IL12RB2: variants seen among roughly 807,000 people sequenced by gnomAD.
IL12RB2 encodes interleukin 12 receptor subunit beta 2.
In IL12RB2, 82 loss-of-function variants were observed where a neutral mutation model predicts 89.4. The ratio of observed to expected loss-of-function variants is 0.92; its 90% CI spans 0.77 to 1.10. IL12RB2 has a LOEUF of 1.10. Ranked by LOEUF, IL12RB2 falls within the 50% of genes least tolerant of loss-of-function variation. The pLI, the probability that IL12RB2 is intolerant of heterozygous loss-of-function variation, is 0.00. For synonymous variants in IL12RB2, 368 were observed against 370.1 expected, an observed-to-expected ratio of 0.99 and a Z score of 0.07; for missense variants, 963 against 1,031.9, an observed-to-expected ratio of 0.93 and a Z score of 0.92.
chr1:67,357,488 T>A (rs1661533464), intron 10 of IL12RB2, among the ~76,000 whole-genome samples: 2 of 152,144 alleles, frequency 1.3e-5, no homozygotes, highest in African/African-American at 4.8e-5. Context: ...GCAAAAGTGT[T>A]TTTTTTAACC....
chr1:67,339,029 A>T (rs1276566096), intron 9 of IL12RB2, among the ~76,000 whole-genome samples: 1 of 151,562 alleles, frequency 6.6e-6, no homozygotes, highest in Non-Finnish European at 1.5e-5. Context: ...CTCCTACATA[A>T]ATATGCCCAG....
upstream of IL12RB2, chr1:67,307,472 A>T (rs560220832): frequency 6.6e-6 from 1 of 152,448 alleles, no homozygotes; most frequent in African/African-American, 2.4e-5. Flanking sequence ...TATCGCGCCT[A>T]TCATATCTTG....
chr1:67,308,445 T>C (rs1654574041), intron 1 of IL12RB2, among the ~76,000 whole-genome samples: 1 of 152,138 alleles, frequency 6.6e-6, no homozygotes, highest in Non-Finnish European at 1.5e-5. Flanking sequence ...TAGTCCCGGA[T>C]GAGGGTGAAC....
chr1:67,382,465 C>A (rs1217117528), intron 14 of IL12RB2, among the ~76,000 whole-genome samples: 2 of 102,002 alleles, frequency 2.0e-5, no homozygotes, highest in Non-Finnish European at 2.1e-5. Context: ...TCCCCAGGGG[C>A]CTTCAAGCTA....
chr1:67,343,558 G>C (rs931940723), intron 9 of IL12RB2, among the ~76,000 whole-genome samples: 3 of 152,054 alleles, frequency 2.0e-5, no homozygotes, highest in Non-Finnish European at 4.4e-5. Context: ...TTACAAAAGG[G>C]GGCTTTTAGC....
chr1:67,336,511 CA>C (rs1173724473), intron 8 of IL12RB2, among the ~76,000 whole-genome samples: 1 of 152,038 alleles, frequency 6.6e-6, no homozygotes, highest in African/African-American at 2.4e-5. Flanking sequence ...AGAGCATTTT[CA>C]AAATGTTTTA....
intron 7 of IL12RB2, among the ~76,000 whole-genome samples, chr1:67,330,018 AT>A (rs1569825074): frequency 6.6e-6 from 1 of 152,154 alleles, no homozygotes; most frequent in Non-Finnish European, 1.5e-5. Context: ...TCCTGTTATT[AT>A]TTTTTAGCAT....
At chr1:67,368,943 CAG>C (rs970010488) in intron 11 of IL12RB2, among the ~76,000 whole-genome samples, 1 of 152,140 alleles carries the variant, frequency 6.6e-6, no homozygotes, top group African/African-American at 2.4e-5. Flanking sequence ...TTACGTGAGA[CAG>C]AGCTAATATT....
At chr1:67,345,950 T>A (rs1660169357) in intron 9 of IL12RB2, among the ~76,000 whole-genome samples, 1 of 152,208 alleles carries the variant, frequency 6.6e-6, no homozygotes. Context: ...TCTCTTATTT[T>A]TCTGTTTTTC....
chr1:67,344,348 A>G (rs929914937), intron 9 of IL12RB2, among the ~76,000 whole-genome samples: 6 of 152,156 alleles, frequency 3.9e-5, no homozygotes, highest in Non-Finnish European at 7.4e-5. Flanking sequence ...GCTGGAGTGC[A>G]GTGGCGTGAT....
intron 13 of IL12RB2, among the ~76,000 whole-genome samples, chr1:67,374,654 T>G (rs1469655336): frequency 6.6e-6 from 1 of 151,996 alleles, no homozygotes; most frequent in East Asian, 1.9e-4. Flanking sequence ...TTTTGTATTT[T>G]TAGTAGAGGA....
intron 8 of IL12RB2, among the ~76,000 whole-genome samples, chr1:67,333,727 G>C (rs1658400019): frequency 6.6e-6 from 1 of 152,194 alleles, no homozygotes; most frequent in Non-Finnish European, 1.5e-5. Context: ...ACTGGGAAGA[G>C]AGCAGCCACA....
At chr1:67,389,198 C>A (rs1665541240) in intron 15 of IL12RB2, among the ~76,000 whole-genome samples, 2 of 152,124 alleles carry the variant, frequency 1.3e-5, no homozygotes, top group Non-Finnish European at 2.9e-5. Context: ...TTTTGGCATA[C>A]CATCCCTTAG....
At chr1:67,382,680 C>A (rs915297701) in intron 14 of IL12RB2, among the ~76,000 whole-genome samples, 2 of 150,460 alleles carry the variant, frequency 1.3e-5, no homozygotes, top group Non-Finnish European at 3.0e-5. Context: ...ATCCATTTAG[C>A]TGGCTCCTAT....
At chr1:67,391,426 G>A (rs1665815033) in intron 16 of IL12RB2, among the ~76,000 whole-genome samples, 2 of 145,586 alleles carry the variant, frequency 1.4e-5, no homozygotes, top group Non-Finnish European at 3.0e-5. Flanking sequence ...TTATATATAT[G>A]TATACAAACT....
At chr1:67,350,815 G>C in intron 9 of IL12RB2, 55 bp from the exon 10 acceptor site, 8 of 1,603,750 alleles carry the variant, frequency 5.0e-6, no homozygotes, top group Non-Finnish European at 6.8e-6. Context: ...TCCAGGCACA[G>C]AGCATCAGTG....
chr1:67,394,319 T>C lies in IL12RB2; in HGVS notation c.2047-1228T>C, dbSNP rs74940384. 3.4e-3 allele frequency among the ~76,000 whole-genome samples: 522 copies of C among 152,158 alleles called. 4 individuals carry two copies. Among genetic ancestry groups the C allele is most frequent in the African/African-American group, 0.011 (460 of 41,512 alleles). On this transcript the variant is annotated intron_variant, in intron 16 of 16. Coordinates refer to ENST00000674203, the MANE Select transcript of IL12RB2 (RefSeq NM_001374259.2). ...ATCAGGCAGCCAGTGTGTAGGATTG[T>C]TTCTAGGATGCAAAGAGACCCCAAT... is the stretch of plus-strand genomic sequence containing the variant.
chr1:67,372,413 T>G, intron 11 of IL12RB2, 23 bp from the exon 12 acceptor site: 2 of 1,273,856 alleles, frequency 1.6e-6, no homozygotes, highest in Non-Finnish European at 2.3e-6. Flanking sequence ...ACGGCTGTTA[T>G]GGGAATTCCC....
chr1:67,369,546 T>C (rs191535472), intron 11 of IL12RB2, among the ~76,000 whole-genome samples: 6 of 152,356 alleles, frequency 3.9e-5, no homozygotes, highest in African/African-American at 7.2e-5. Flanking sequence ...AGGGCTGTTA[T>C]GCCCATCAAA....
Sources: gnomAD v4.1 joint callset for allele counts (sites outside exome capture counted in the v4.1 genomes callset) on GRCh38, gnomAD v4.1.1 for gene constraint, MANE v1.5 for transcripts, NCBI Gene and HGNC (gene_info 2026-07-23, HGNC 2026-07-21) for gene names.